ELMO1: variants seen among roughly 807,000 people sequenced by gnomAD.
ELMO1 encodes the protein engulfment and cell motility 1.
Under a neutral mutation model 98.9 loss-of-function variants are expected in ELMO1, and 26 were observed. The observed-to-expected ratio is 0.26, with a 90% CI of 0.19 to 0.36. ELMO1 has a LOEUF of 0.36. ELMO1 is among the 10% of genes least tolerant of loss of function. ELMO1 has a pLI of 1.00. For synonymous variants in ELMO1, 346 were observed against 346.0 expected (o/e 1.00, Z 0.00); for missense variants, 627 against 935.2 (o/e 0.67, Z 4.30).
intron 1 of ELMO1, among the ~76,000 whole-genome samples, chr7:37,362,335 G>C (rs964991144): frequency 2.0e-5 from 3 of 152,072 alleles, no homozygotes; most frequent in Non-Finnish European, 4.4e-5. Context: ...AAAACACAAA[G>C]TTTCTGCTCA....
At chr7:37,352,262 A>C (rs774023764) in intron 1 of ELMO1, among the ~76,000 whole-genome samples, 1 of 152,192 alleles carries the variant, frequency 6.6e-6, no homozygotes, top group Non-Finnish European at 1.5e-5. Context: ...TCATGTTCGT[A>C]ACCACTATGC....
chr7:37,394,347 G>C (rs1427267467), intron 1 of ELMO1, among the ~76,000 whole-genome samples: 2 of 152,182 alleles, frequency 1.3e-5, no homozygotes. Context: ...TGTGAGCTAA[G>C]TTGAGTGACA....
chr7:36,876,476 A>G (rs1454623145), intron 19 of ELMO1, among the ~76,000 whole-genome samples: 4 of 151,704 alleles, frequency 2.6e-5, no homozygotes, highest in Non-Finnish European at 5.9e-5. Flanking sequence ...TAAAATTATT[A>G]GTGAAAGCCA....
rs148479305 is a variant in ELMO1 at position 37,261,601 on chromosome 7, TTTTC to T, written c.244-2255_244-2252del. On this transcript the variant is annotated intron_variant, in intron 5 of 21. Coordinates refer to ENST00000310758, the MANE Select transcript of ELMO1 (RefSeq NM_014800.11). ...ATAGAATGAGCAGCTCTGATTGTGT[TTTTC>T]TTTCTTTCTTTTTTTTTTAGGGAGT... 9.1e-3 allele frequency among the ~76,000 whole-genome samples: 1,392 copies of T among 152,148 alleles called. 24 individuals carry two copies. The highest frequency in any genetic ancestry group is 0.032 in the African/African-American group (1,318 of 41,490).
At chr7:37,427,207 G>A (rs1804747062) in intron 1 of ELMO1, among the ~76,000 whole-genome samples, 1 of 152,222 alleles carries the variant, frequency 6.6e-6, no homozygotes, top group South Asian at 2.1e-4. Context: ...TCCAAAGAAA[G>A]AATGACATCA....
At chr7:37,008,137 G>C (rs1052365330) in intron 16 of ELMO1, among the ~76,000 whole-genome samples, 3 of 152,166 alleles carry the variant, frequency 2.0e-5, no homozygotes, top group Non-Finnish European at 4.4e-5. Flanking sequence ...ATCTGATCTT[G>C]GCTTATAATG....
chr7:36,999,216 C>T (rs1792452199), intron 16 of ELMO1, among the ~76,000 whole-genome samples: 3 of 152,142 alleles, frequency 2.0e-5, no homozygotes, highest in Admixed American at 1.3e-4. Flanking sequence ...CATGCCTCAT[C>T]TGGAGCGCCA....
intron 16 of ELMO1, among the ~76,000 whole-genome samples, chr7:36,899,682 A>ATGTTTTTTTTTTTTTT (rs1178774148): frequency 1.9e-4 from 1 of 5,396 alleles, no homozygotes; most frequent in Non-Finnish European, 4.1e-4. Flanking sequence ...ATCTTTACTC[A>ATGTTTTTTTTTTTTTT]TCTTTTTTTT....
At chr7:37,129,243 G>A (rs1211482240) in intron 14 of ELMO1, among the ~76,000 whole-genome samples, 1 of 135,140 alleles carries the variant, frequency 7.4e-6, no homozygotes, top group Non-Finnish European at 1.5e-5. Context: ...GTCCCTTGAA[G>A]CACTCGGAAC....
intron 13 of ELMO1, among the ~76,000 whole-genome samples, chr7:37,142,087 T>C (rs1787679319): frequency 6.6e-6 from 1 of 152,178 alleles, no homozygotes; most frequent in Admixed American, 6.5e-5. Flanking sequence ...CTGCTACTAA[T>C]GATAAGAAGG....
At chr7:37,235,533 G>C (rs1794414175) in intron 7 of ELMO1, among the ~76,000 whole-genome samples, 1 of 152,160 alleles carries the variant, frequency 6.6e-6, no homozygotes, top group African/African-American at 2.4e-5. Flanking sequence ...CGCCATGGGA[G>C]GACAGCATTC....
intron 15 of ELMO1, among the ~76,000 whole-genome samples, chr7:37,049,083 G>A (rs1795958197): frequency 6.6e-6 from 1 of 152,064 alleles, no homozygotes; most frequent in South Asian, 2.1e-4. Flanking sequence ...TGTTTTCTCT[G>A]TCTTCCCACT....
At chr7:37,324,541 T>C (rs1799695075) in intron 2 of ELMO1, among the ~76,000 whole-genome samples, 1 of 152,186 alleles carries the variant, frequency 6.6e-6, no homozygotes, top group African/African-American at 2.4e-5. Flanking sequence ...TGACTACGTG[T>C]TTTTCTCTAT....
At position 36,855,705 on chromosome 7, in the gene ELMO1, A is replaced by G; in HGVS notation, c.2030T>C (p.Met677Thr). 1 of 1,614,120 alleles carries G rather than the reference A, an allele frequency of 6.2e-7. No individual in the cohort carries two copies. Among genetic ancestry groups the G allele is most frequent in the Non-Finnish European group, 8.5e-7 (1 of 1,179,994 alleles). ...DGLNALLGKDMMSDLTRNDLD... is the reference protein window; with the variant it reads ...DGLNALLGKDTMSDLTRNDLD... ...GTCATTCCGCGTCAGGTCGCTCATC[A>G]TGTCCTTCCCGAGTAGCGCATTCAG... The change falls in exon 22 of 22, where the codon ATG (methionine) becomes ACG (threonine). Residue 677 changes from methionine (M) to threonine (T), a missense_variant. Met to Thr is a moderately conservative substitution (Grantham distance 81). Around this residue, in one of 3 missense-constraint regions of ELMO1, gnomAD observed 492 missense variants for 715.6 expected, o/e 0.69. Transcript: ENST00000310758. This position sits in a 1 kb window ranked among gnomAD's most constrained non-coding sequence, Gnocchi z 4.2.
intron 1 of ELMO1, among the ~76,000 whole-genome samples, chr7:37,376,293 C>G (rs961992080): frequency 1.3e-5 from 2 of 152,176 alleles, no homozygotes; most frequent in Non-Finnish European, 2.9e-5. Context: ...CTTCGAACAG[C>G]CCTTCCTCAT....
At position 37,401,409 on chromosome 7, in the gene ELMO1, G is replaced by T. The variant is rs6956145; in HGVS notation, c.-74+47266C>A. On this transcript the variant is annotated intron_variant, in intron 1 of 21. Coordinates refer to ENST00000310758, the MANE Select transcript of ELMO1 (RefSeq NM_014800.11). ...TAAAGCAGATCATAAAATCGAGGAAGGATTTTCTGACTTTTCTTTGAAGCA... is the reference window on the plus strand; with the variant it reads ...TAAAGCAGATCATAAAATCGAGGAATGATTTTCTGACTTTTCTTTGAAGCA... Among the ~76,000 whole-genome samples the T allele has an allele frequency of 6.5e-3, 988 of 152,246 alleles. 6 individuals carry two copies. The highest frequency in any genetic ancestry group is 0.023 in the African/African-American group (954 of 41,536).
chr7:37,266,818 G>C (rs1274133093), intron 5 of ELMO1, among the ~76,000 whole-genome samples: 1 of 152,030 alleles, frequency 6.6e-6, no homozygotes. Context: ...TTCGAGACCA[G>C]CCTTGCCAAC....
At chr7:37,406,660 T>G (rs1478795260) in intron 1 of ELMO1, among the ~76,000 whole-genome samples, 1 of 152,012 alleles carries the variant, frequency 6.6e-6, no homozygotes, top group Non-Finnish European at 1.5e-5. Flanking sequence ...GGCAGGATGG[T>G]CTCGAACTCC....
At chr7:36,920,391 A>G (rs1425686842) in intron 16 of ELMO1, among the ~76,000 whole-genome samples, 1 of 152,218 alleles carries the variant, frequency 6.6e-6, no homozygotes, top group East Asian at 1.9e-4. Context: ...AAGTCCAAAC[A>G]TATAGTTTAT....
Sources: allele counts gnomAD v4.1 joint callset (sites outside exome capture counted in the v4.1 genomes callset), GRCh38; gene constraint gnomAD v4.1.1; regional missense constraint gnomAD v4.1.1; non-coding constraint Gnocchi (gnomAD v3.1); transcripts MANE v1.5; gene names NCBI Gene and HGNC (gene_info 2026-07-23, HGNC 2026-07-21).